The following TCF12 variants were observed in gnomAD, a reference collection of about 807,000 sequenced individuals.
The protein encoded by TCF12 is DNA-binding protein HTF4.
Under a neutral mutation model 86.0 loss-of-function variants are expected in TCF12, and 45 were observed. The observed-to-expected ratio is 0.52, with a 90% CI of 0.41 to 0.67. TCF12 has a LOEUF of 0.67. Among genes scored for constraint, TCF12 ranks in the 30% least tolerant of loss-of-function variants. The probability of loss-of-function intolerance (pLI) is 0.00; values close to 1 mark genes in which losing one functional copy is unlikely to be tolerated. For synonymous variants in TCF12, 330 were observed against 299.6 expected, an observed-to-expected ratio of 1.10 and a Z score of -1.05; for missense variants, 881 against 859.9, an observed-to-expected ratio of 1.02 and a Z score of -0.31.
chr15:57,124,211 A>G (rs138849781), intron 5 of TCF12, among the ~76,000 whole-genome samples: 37 of 152,146 alleles, frequency 2.4e-4, no homozygotes, highest in African/African-American at 8.9e-4. Context: ...ATTCTGTTCT[A>G]GTGGAGTTTT....
chr15:57,075,952 C>T (rs961222102), intron 4 of TCF12, among the ~76,000 whole-genome samples: 1 of 150,608 alleles, frequency 6.6e-6, no homozygotes, highest in East Asian at 2.0e-4. Flanking sequence ...CAGCATTGAA[C>T]CCCTGGGTTC....
At chr15:57,072,595 C>T in intron 4 of TCF12, 2 of 1,150,214 alleles carry the variant, frequency 1.7e-6, no homozygotes, top group South Asian at 1.5e-5. Flanking sequence ...AGTTCAAATA[C>T]AGTAATTAGA....
chr15:56,984,560 A>T (rs2063087042), intron 3 of TCF12, among the ~76,000 whole-genome samples: 1 of 152,030 alleles, frequency 6.6e-6, no homozygotes, highest in Admixed American at 6.6e-5. Flanking sequence ...AAATAATGGT[A>T]AAAAAAATTC....
At chr15:57,105,282 C>T (rs1334640243) in intron 5 of TCF12, among the ~76,000 whole-genome samples, 1 of 152,162 alleles carries the variant, frequency 6.6e-6, no homozygotes, top group Non-Finnish European at 1.5e-5. Flanking sequence ...TGCCTTGTAT[C>T]GCCATCTCTT....
At chr15:57,194,778 G>A (rs1355754365) in intron 7 of TCF12, among the ~76,000 whole-genome samples, 1 of 152,142 alleles carries the variant, frequency 6.6e-6, no homozygotes, top group Non-Finnish European at 1.5e-5. Context: ...AAAAGGATGT[G>A]TTACCCCCTT....
At chr15:57,128,325 A>G (rs2051833803) in intron 5 of TCF12, among the ~76,000 whole-genome samples, 1 of 152,186 alleles carries the variant, frequency 6.6e-6, no homozygotes, top group African/African-American at 2.4e-5. Context: ...CTTCTACCGC[A>G]TTTGACAAAG....
intron 18 of TCF12, 78 bp from the exon 19 acceptor site, chr15:57,272,952 C>G (rs939796771): frequency 1.5e-6 from 2 of 1,330,160 alleles, no homozygotes; most frequent in African/African-American, 3.0e-5. Flanking sequence ...TCCATCTTTA[C>G]GCTTTATAAT....
chr15:57,192,103 G>A (rs770565425), intron 6 of TCF12, 55 bp from the exon 7 acceptor site: 2 of 1,593,562 alleles, frequency 1.3e-6, no homozygotes, highest in Non-Finnish European at 1.7e-6. Context: ...GAAATTTTCA[G>A]GTTTGGGTCA....
chr15:57,151,911 A>G (rs2053790287), intron 5 of TCF12, among the ~76,000 whole-genome samples: 1 of 152,246 alleles, frequency 6.6e-6, no homozygotes, highest in South Asian at 2.1e-4. Flanking sequence ...AAGGAGTACT[A>G]AGCAATAGCA....
chr15:56,988,602 G>A (rs1029774620), intron 3 of TCF12, among the ~76,000 whole-genome samples: 1 of 152,146 alleles, frequency 6.6e-6, no homozygotes, highest in African/African-American at 2.4e-5. Flanking sequence ...AGCACAAAGA[G>A]TGTGCATATT....
chr15:57,066,855 T>G (rs1392405886), intron 4 of TCF12, among the ~76,000 whole-genome samples: 3 of 152,194 alleles, frequency 2.0e-5, no homozygotes, highest in Admixed American at 1.3e-4. Flanking sequence ...TTACACAAAG[T>G]CATATTGATT....
intron 1 of TCF12, 50 bp from the exon 2 acceptor site, chr15:56,919,842 A>T: frequency 1.3e-6 from 2 of 1,541,816 alleles, no homozygotes; most frequent in Non-Finnish European, 1.8e-6. Context: ...GTTCCCTCAC[A>T]CACTTTGGGC....
At chr15:56,977,323 AG>A (rs1184024298) in intron 3 of TCF12, among the ~76,000 whole-genome samples, 1 of 152,094 alleles carries the variant, frequency 6.6e-6, no homozygotes, top group Non-Finnish European at 1.5e-5. Context: ...GCTTGAGTCC[AG>A]GAGTTCGAGA....
chr15:57,125,674 A>G (rs2051592141), intron 5 of TCF12, among the ~76,000 whole-genome samples: 1 of 152,232 alleles, frequency 6.6e-6, no homozygotes, highest in South Asian at 2.1e-4. Flanking sequence ...GGTGAATTTA[A>G]CATTAATACT....
At chr15:57,283,556 C>T (rs1187813106) in intron 20 of TCF12, among the ~76,000 whole-genome samples, 2 of 152,212 alleles carry the variant, frequency 1.3e-5, no homozygotes, top group South Asian at 2.1e-4. Context: ...TGAGCCACCT[C>T]GCCCAGCTGG....
At chr15:57,233,592 T>G (rs2059259829) in intron 11 of TCF12, among the ~76,000 whole-genome samples, 1 of 151,070 alleles carries the variant, frequency 6.6e-6, no homozygotes, top group African/African-American at 2.4e-5. Context: ...ATACCCCAGC[T>G]TCAGCTTCCC....
chr15:56,918,119 C>G (rs1446782541), upstream of TCF12: 3 of 441,960 alleles, frequency 6.8e-6, no homozygotes, highest in Non-Finnish European at 1.4e-5. Context: ...GGTCTCCCGT[C>G]TCCACACGCG....
At chr15:57,154,236 C>A (rs528877435) in intron 5 of TCF12, among the ~76,000 whole-genome samples, 1 of 152,236 alleles carries the variant, frequency 6.6e-6, no homozygotes, top group South Asian at 2.1e-4. Context: ...AGGGTCTTCG[C>A]TAGATGAAAA....
At chr15:57,166,554 ATTTATTT>A in intron 6 of TCF12, 88 bp downstream of exon 6, 1 of 1,169,352 alleles carries the variant, frequency 8.6e-7, no homozygotes, top group South Asian at 1.6e-5. Context: ...AAATTATCCA[ATTTATTT>A]CACTACTGTT....
Sources: allele counts gnomAD v4.1 joint callset (sites outside exome capture counted in the v4.1 genomes callset), GRCh38; gene constraint gnomAD v4.1.1; transcripts MANE v1.5; gene names NCBI Gene and HGNC (gene_info 2026-07-23, HGNC 2026-07-21).